GAS7: variants seen among roughly 807,000 people sequenced by gnomAD.
GAS7 encodes the protein growth arrest-specific protein 7.
A neutral mutation model predicts 71.1 loss-of-function variants in GAS7; 28 were observed. The ratio of observed to expected loss-of-function variants is 0.39; its 90% CI spans 0.29 to 0.54. GAS7 has a LOEUF of 0.54. Ranked by LOEUF, GAS7 falls within the 20% of genes least tolerant of loss-of-function variation. GAS7 has a pLI of 0.62. For synonymous variants in GAS7, 258 were observed against 245.8 expected, an observed-to-expected ratio of 1.05 and a Z score of -0.46; for missense variants, 436 against 627.8, an observed-to-expected ratio of 0.69 and a Z score of 3.27.
intron 1 of GAS7, among the ~76,000 whole-genome samples, chr17:10,033,407 T>A (rs1242810603): frequency 6.6e-6 from 1 of 152,198 alleles, no homozygotes; most frequent in Non-Finnish European, 1.5e-5. Flanking sequence ...AAATGCCTTA[T>A]GTCATTGTTT....
chr17:10,143,258 C>T lies in GAS7; in HGVS notation c.183+54950G>A, dbSNP rs572918003. On this transcript the variant is annotated intron_variant, in intron 1 of 13. Transcript: ENST00000432992. ...AGATGTGACTATAATTGGAGATAGGCGGCCAAGCGTGGTGGTTCACACCTG... is the reference window on the plus strand; with the variant it reads ...AGATGTGACTATAATTGGAGATAGGTGGCCAAGCGTGGTGGTTCACACCTG... Among the ~76,000 whole-genome samples the T allele has an allele frequency of 3.2e-4, 48 of 151,270 alleles. No individual in the cohort carries two copies. In the South Asian group the frequency reaches 8.7e-3, roughly 28 times the overall value.
At chr17:10,151,168 A>G (rs1052696927) in intron 1 of GAS7, among the ~76,000 whole-genome samples, 1 of 151,950 alleles carries the variant, frequency 6.6e-6, no homozygotes, top group African/African-American at 2.4e-5. Context: ...TTCTTTTTTT[A>G]AGTTTGGTTA....
rs367632262 is a variant in GAS7, at chr17:9,924,331, C to T, written c.1138+1145G>A. ...GATTCTACAGGCATGCACCACCATG[C>T]CTAGCTAATTTTTTCAAATTTTTTT... On this transcript the variant is annotated intron_variant, in intron 11 of 13. Coordinates refer to ENST00000432992, the MANE Select transcript of GAS7 (RefSeq NM_201433.2). Among the ~76,000 whole-genome samples the T allele has an allele frequency of 2.6e-4, 40 of 152,182 alleles. No individual in the cohort carries two copies. In the South Asian group the frequency reaches 7.7e-3, roughly 29 times the overall value.
chr17:9,983,077 C>T (rs2070496505), intron 2 of GAS7, among the ~76,000 whole-genome samples: 1 of 151,782 alleles, frequency 6.6e-6, no homozygotes, highest in African/African-American at 2.4e-5. Context: ...ATTCAGAGGT[C>T]ATCACCATCA....
In GAS7 at chr17:10,026,230, G is replaced by T. The variant is rs528629939; in HGVS notation, c.184-6333C>A. Reference sequence around the variant, plus strand: ...GACACTCGCTTTAGCAGCCAGATCAGACGGTTTTAAGGTCTCCCACTCTGC... The same window carrying T: ...GACACTCGCTTTAGCAGCCAGATCATACGGTTTTAAGGTCTCCCACTCTGC... On this transcript the variant is annotated intron_variant, in intron 1 of 13. Coordinates refer to ENST00000432992, the MANE Select transcript of GAS7 (RefSeq NM_201433.2). This position sits in a 1 kb window ranked among gnomAD's most constrained non-coding sequence, Gnocchi z 4.5. 2.4e-5 allele frequency: 24 copies of T among 985,286 alleles called. No individual in the cohort carries two copies. The African/African-American group carries it at 4.0e-4, about 16-fold the overall frequency. 61.0% of individuals were successfully genotyped at this position (985,286 alleles called of 1,614,324 possible).
intron 1 of GAS7, among the ~76,000 whole-genome samples, chr17:10,057,963 C>G (rs2073170084): frequency 6.6e-6 from 1 of 152,234 alleles, no homozygotes; most frequent in Non-Finnish European, 1.5e-5. Flanking sequence ...ACCCCGTGCT[C>G]TCTGAAACAT....
intron 1 of GAS7, among the ~76,000 whole-genome samples, chr17:10,068,719 G>A (rs759735643): frequency 4.6e-5 from 7 of 151,980 alleles, no homozygotes; most frequent in African/African-American, 7.3e-5. Context: ...AGCTAGGATC[G>A]TACCACTGCA....
chr17:10,187,234 C>T (rs1345452725), intron 1 of GAS7, among the ~76,000 whole-genome samples: 1 of 152,160 alleles, frequency 6.6e-6, no homozygotes, highest in African/African-American at 2.4e-5. Flanking sequence ...ACACACTGGG[C>T]GTTCCATCAT....
At chr17:9,978,811 G>A (rs991562128) in intron 3 of GAS7, among the ~76,000 whole-genome samples, 1 of 152,160 alleles carries the variant, frequency 6.6e-6, no homozygotes, top group Non-Finnish European at 1.5e-5. Flanking sequence ...GCTGCTTCTT[G>A]CTTCAATGGG....
chr17:10,148,087 A>T (rs1413918219), intron 1 of GAS7, among the ~76,000 whole-genome samples: 15 of 152,202 alleles, frequency 9.9e-5, no homozygotes, highest in Admixed American at 9.2e-4. Flanking sequence ...ATCATAAAGC[A>T]CACGTGAACA....
At chr17:10,122,328 C>A (rs1312109273) in intron 1 of GAS7, among the ~76,000 whole-genome samples, 1 of 152,172 alleles carries the variant, frequency 6.6e-6, no homozygotes, top group Non-Finnish European at 1.5e-5. Context: ...AAACCCTCAT[C>A]CTTCCTCTCC....
intron 1 of GAS7, among the ~76,000 whole-genome samples, chr17:10,192,010 T>G (rs1756356671): frequency 6.6e-6 from 1 of 151,894 alleles, no homozygotes; most frequent in Non-Finnish European, 1.5e-5. Flanking sequence ...GAAGTTAAAC[T>G]AAAAACAAAT....
intron 1 of GAS7, chr17:10,036,415 A>C: frequency 6.3e-7 from 1 of 1,595,944 alleles, no homozygotes; most frequent in Non-Finnish European, 8.6e-7. Context: ...ATCTGCAGGC[A>C]AGAAAAATCA....
At chr17:9,935,306 C>T (rs939267462) in intron 8 of GAS7, among the ~76,000 whole-genome samples, 4 of 152,224 alleles carry the variant, frequency 2.6e-5, no homozygotes, top group Non-Finnish European at 5.9e-5. Flanking sequence ...TTCTCCACTC[C>T]AAGGAGAGGC....
At chr17:10,094,463 CTTTTTCTTT>C (rs1453156394) in intron 1 of GAS7, among the ~76,000 whole-genome samples, 8 of 152,012 alleles carry the variant, frequency 5.3e-5, no homozygotes, top group East Asian at 1.9e-4. Flanking sequence ...ATTTCTTTTT[CTTTTTCTTT>C]TTTTTCTTTT....
chr17:10,146,673 T>C (rs1052767232), intron 1 of GAS7, among the ~76,000 whole-genome samples: 20 of 152,250 alleles, frequency 1.3e-4, no homozygotes, highest in Admixed American at 9.2e-4. Flanking sequence ...GGCTAAACCA[T>C]GCTCAAGGGT....
chr17:10,011,837 G>A (rs112103183), intron 2 of GAS7, among the ~76,000 whole-genome samples: 13 of 152,250 alleles, frequency 8.5e-5, no homozygotes, highest in Middle Eastern at 3.4e-3. Context: ...TTAGCCAGGC[G>A]TGGTGGCACA....
intron 1 of GAS7, chr17:10,039,733 C>T (rs369898487): frequency 8.8e-6 from 4 of 456,240 alleles, no homozygotes; most frequent in South Asian, 1.5e-5. Flanking sequence ...TATAGCAGGA[C>T]TCACTCACCA....
intron 2 of GAS7, among the ~76,000 whole-genome samples, chr17:9,995,813 T>C (rs1395264178): frequency 6.6e-6 from 1 of 152,162 alleles, no homozygotes; most frequent in Non-Finnish European, 1.5e-5. Flanking sequence ...GTGGAGCACT[T>C]TTCATTAGAG....
Sources: allele counts gnomAD v4.1 joint callset (sites outside exome capture counted in the v4.1 genomes callset), GRCh38; gene constraint gnomAD v4.1.1; non-coding constraint Gnocchi (gnomAD v3.1); transcripts MANE v1.5; gene names NCBI Gene and HGNC (gene_info 2026-07-23, HGNC 2026-07-21).